CHMP2A: variants seen among roughly 807,000 people sequenced by gnomAD.
CHMP2A encodes VPS2 homolog A.
In CHMP2A, 6 loss-of-function variants were observed where a neutral mutation model predicts 21.8. The ratio of observed to expected loss-of-function variants is 0.28; its 90% confidence interval spans 0.15 to 0.54. The LOEUF (loss-of-function observed/expected upper bound fraction) is 0.54, where lower values mean the gene tolerates loss of function less well. Among genes scored for constraint, CHMP2A ranks in the 20% least tolerant of loss-of-function variants. CHMP2A has a pLI of 0.95. For missense variants in CHMP2A, 303 were observed against 293.9 expected (o/e 1.03, Z -0.23); for synonymous variants, 125 against 107.0 (o/e 1.17, Z -1.04).
At chr19:58,552,231 G>C (rs764352724) in intron 3 of CHMP2A, 28 bp downstream of exon 3, 2 of 1,614,206 alleles carry the variant, frequency 1.2e-6, no homozygotes, top group East Asian at 4.5e-5. Context: ...GGTCGTGGGA[G>C]TGGGAAGGGG....
chr19:58,553,840 A>T, intron 2 of CHMP2A: 1 of 632,342 alleles, frequency 1.6e-6, no homozygotes, highest in Non-Finnish European at 2.8e-6. Flanking sequence ...CCAGATCTGT[A>T]GGCTCACTCT....
intron 2 of CHMP2A, among the ~76,000 whole-genome samples, chr19:58,553,445 AC>A (rs1568667449): frequency 6.9e-6 from 1 of 145,526 alleles, no homozygotes. Context: ...ATCTTGGCTC[AC>A]TGTAACCTCC....
chr19:58,553,521 G>A (rs1397263985), intron 2 of CHMP2A, among the ~76,000 whole-genome samples: 1 of 150,944 alleles, frequency 6.6e-6, no homozygotes, highest in Non-Finnish European at 1.5e-5. Context: ...ACAGGCGTGC[G>A]CCACCATGCC....
intron 2 of CHMP2A, among the ~76,000 whole-genome samples, chr19:58,553,021 C>T (rs1419239971): frequency 6.6e-6 from 1 of 151,978 alleles, no homozygotes; most frequent in Non-Finnish European, 1.5e-5. Context: ...CCGGCTGTCT[C>T]TTACCAGCCT....
At position 58,552,454 on chromosome 19, in the gene CHMP2A, G is replaced by A; in HGVS notation, c.169-16C>T. 1.2e-6 allele frequency: 2 copies of A among 1,608,570 alleles called. No individual in the cohort carries two copies. Among genetic ancestry groups the A allele is most frequent in the Non-Finnish European group, 1.7e-6 (2 of 1,176,312 alleles). ...GAACAGCATCCTGCAGAGTAGACAA[G>A]GGTATCAAGGACACAGGAATGAGAT... On this transcript the variant is annotated splice_polypyrimidine_tract_variant and intron_variant, in intron 2 of 5. Coordinates refer to ENST00000312547, the MANE Select transcript of CHMP2A (RefSeq NM_014453.4).
Position 58,551,943 on chromosome 19 carries a change from C to G in CHMP2A, c.504G>C (p.Leu168=). The change falls in exon 5 of 6, where the codon CTG becomes CTC. Residue 168 remains leucine (L), a synonymous_variant. Coordinates refer to ENST00000312547, the MANE Select transcript of CHMP2A (RefSeq NM_014453.4). ...EESDAVVSQV[L]DELGLSLTDE... ...CTGTTAGGCTAAGTCCCAGCTCATC[C>G]AGAACCTGGGACACCACAGCATCAC... is the stretch of plus-strand genomic sequence containing the variant. The G allele has an allele frequency of 6.2e-7, 1 of 1,614,142 alleles. No individual in the cohort carries two copies. Among genetic ancestry groups the G allele is most frequent in the Non-Finnish European group, 8.5e-7 (1 of 1,180,028 alleles).
chr19:58,552,052 T>C lies in CHMP2A; in HGVS notation c.479+3A>G. 6.2e-7 allele frequency: 1 copy of C among 1,614,170 alleles called. No homozygotes were observed. The highest frequency in any genetic ancestry group is 8.5e-7 in the Non-Finnish European group (1 of 1,180,016). On this transcript the variant is annotated splice_donor_region_variant and intron_variant, in intron 4 of 5. Coordinates refer to ENST00000312547, the MANE Select transcript of CHMP2A (RefSeq NM_014453.4). ...TCCACCCTCCCATCCAGTTTCCCCA[T>C]ACCTCTCCTCTTCATCTTCCTCATC...
chr19:58,552,341 T>C lies in CHMP2A; in HGVS notation c.266A>G (p.Lys89Arg), dbSNP rs774782757. The C allele has an allele frequency of 2.5e-6, 4 of 1,614,218 alleles. No homozygotes were observed. In the South Asian group the frequency reaches 4.4e-5, roughly 18 times the overall value. The change falls in exon 3 of 6, where the codon AAG (lysine) becomes AGG (arginine). Residue 89 changes from lysine (K) to arginine (R), a missense_variant. By Grantham distance (26) the Lys-to-Arg change is conservative (BLOSUM62 2). Transcript: ENST00000312547. The part of the protein sequence containing the change: ...MRANIQAVSL[K>R]IQTLKSNNSM... Reference sequence around the variant, plus strand: ...GTTGTTGGACTTGAGTGTCTGGATCTTGAGGGACACAGCCTGGATGTTGGC... The same window carrying C: ...GTTGTTGGACTTGAGTGTCTGGATCCTGAGGGACACAGCCTGGATGTTGGC...
In CHMP2A at chr19:58,555,005, C is replaced by A. The variant is rs1399612115; in HGVS notation, c.-42G>T. ...CCACTCACCGGAGCTGGGACGGACA[C>A]CCGTTTCCGCTTCCGGGTCACGCTT... On this transcript the variant is annotated 5_prime_UTR_variant, in exon 1 of 6. Transcript: ENST00000312547. The A allele has an allele frequency of 6.6e-6, 1 of 152,324 alleles. No homozygotes were observed. The highest frequency in any genetic ancestry group is 1.5e-5 in the Non-Finnish European group (1 of 68,122). 9.4% of individuals were successfully genotyped at this position (152,324 alleles called of 1,614,324 possible).
intron 1 of CHMP2A, chr19:58,554,556 A>C (rs147484403): frequency 3.7e-6 from 1 of 270,394 alleles, no homozygotes; most frequent in Admixed American, 5.3e-5. Flanking sequence ...GATACGACTG[A>C]GAGCGGGGGA....
intron 1 of CHMP2A, chr19:58,554,475 C>A: frequency 2.1e-6 from 1 of 475,862 alleles, no homozygotes; most frequent in Non-Finnish European, 3.7e-6. Flanking sequence ...CATCGCCATG[C>A]CCCAAAAGAA....
chr19:58,552,846 T>C (rs2053848937), intron 2 of CHMP2A, among the ~76,000 whole-genome samples: 1 of 152,188 alleles, frequency 6.6e-6, no homozygotes, highest in African/African-American at 2.4e-5. Flanking sequence ...CCTCGAACTA[T>C]CCAGAATCAC....
chr19:58,554,303 G>A (rs2053867324), intron 1 of CHMP2A, 67 bp from the exon 2 acceptor site: 43 of 1,444,990 alleles, frequency 3.0e-5, no homozygotes, highest in Admixed American at 4.4e-5. Context: ...AGCAGAACAG[G>A]GTCACGGGAG....
Position 58,551,903 on chromosome 19 carries a change from C to T in CHMP2A, c.541+3G>A. ...AATGGGGTCCAGGATTTGGAGCACT[C>T]ACTCGACAGCTCATCTGTTAGGCTA... is the stretch of plus-strand genomic sequence containing the variant. On this transcript the variant is annotated splice_donor_region_variant and intron_variant, in intron 5 of 5. Coordinates refer to ENST00000312547, the MANE Select transcript of CHMP2A (RefSeq NM_014453.4). 6.2e-7 allele frequency: 1 copy of T among 1,614,092 alleles called. No individual in the cohort carries two copies. Among genetic ancestry groups the T allele is most frequent in the African/African-American group, 1.3e-5 (1 of 75,010 alleles).
chr19:58,552,429 G>A lies in CHMP2A; in HGVS notation c.178C>T (p.Arg60Cys), dbSNP rs773474943. ...MAKQGQMDAV[R>C]IMAKDLVRTR... ...CGCACCAAGTCTTTTGCCATGATGC[G>A]AACAGCATCCTGCAGAGTAGACAAG... The change falls in exon 3 of 6, where the codon CGC (arginine) becomes TGC (cysteine). Residue 60 changes from arginine (R) to cysteine (C), a missense_variant. Transcript: ENST00000312547. 9.3e-6 allele frequency: 15 copies of A among 1,613,604 alleles called. No individual in the cohort carries two copies. Among genetic ancestry groups the A allele is most frequent in the African/African-American group, 5.3e-5 (4 of 74,932 alleles).
chr19:58,554,370 G>C, intron 1 of CHMP2A, 134 bp from the exon 2 acceptor site: 1 of 731,060 alleles, frequency 1.4e-6, no homozygotes, highest in Non-Finnish European at 2.2e-6. Flanking sequence ...GGAGCCAAAA[G>C]GGAGCAGCTG....
At position 58,552,272 on chromosome 19, in the gene CHMP2A, G is replaced by A. The variant is rs957576851; in HGVS notation, c.335C>T (p.Thr112Ile). The change falls in exon 3 of 6, where the codon ACC (threonine) becomes ATC (isoleucine). Residue 112 changes from threonine (T) to isoleucine (I), a missense_variant. By Grantham distance (89) the Thr-to-Ile change is moderately conservative (BLOSUM62 -1). Coordinates refer to ENST00000312547, the MANE Select transcript of CHMP2A (RefSeq NM_014453.4). ...GGAAAAGCGCACCTGTCTGTTCATG[G>A]TGCCCATGGCCTTGGTGACACCCTT... ...AMKGVTKAMG[T>I]MNRQLKLPQI... 6.2e-7 allele frequency: 1 copy of A among 1,614,210 alleles called. No individual in the cohort carries two copies. Among genetic ancestry groups the A allele is most frequent in the Non-Finnish European group, 8.5e-7 (1 of 1,180,048 alleles).
chr19:58,554,594 G>T, intron 1 of CHMP2A: 1 of 234,208 alleles, frequency 4.3e-6, no homozygotes, highest in Non-Finnish European at 8.4e-6. Flanking sequence ...CTGGTGTTTT[G>T]GAGACTGTGG....
intron 2 of CHMP2A, among the ~76,000 whole-genome samples, chr19:58,553,540 T>G (rs569512694): frequency 6.6e-6 from 1 of 150,908 alleles, no homozygotes; most frequent in African/African-American, 2.4e-5. Flanking sequence ...CCTGGCTAGT[T>G]TTTTTTATTT....
Sources: gnomAD v4.1 joint callset for allele counts (sites outside exome capture counted in the v4.1 genomes callset) on GRCh38, gnomAD v4.1.1 for gene constraint, MANE v1.5 for transcripts, NCBI Gene and HGNC (gene_info 2026-07-23, HGNC 2026-07-21) for gene names.